RNF38: variants seen among roughly 807,000 people sequenced by gnomAD.
The protein encoded by RNF38 is ring finger protein 38, also known as E3 ubiquitin-protein ligase RNF38.
In RNF38, 15 loss-of-function variants were observed where a neutral mutation model predicts 67.2. That is an observed-to-expected ratio of 0.22 (90% confidence interval 0.15 to 0.34). RNF38 has a LOEUF of 0.34. Ranked by LOEUF, RNF38 falls within the 10% of genes least tolerant of loss-of-function variation. The pLI, the probability that RNF38 is intolerant of heterozygous loss-of-function variation, is 1.00. For missense variants in RNF38, 524 were observed against 639.9 expected (o/e 0.82, Z 1.95); for synonymous variants, 220 against 218.8 (o/e 1.01, Z -0.05).
At chr9:36,441,210 T>C (rs1253739760) in intron 1 of RNF38, among the ~76,000 whole-genome samples, 1 of 152,302 alleles carries the variant, frequency 6.6e-6, no homozygotes, top group Admixed American at 6.5e-5. Context: ...AGACACTTAT[T>C]GTGACCTTAG....
At chr9:36,475,995 C>T (rs1049365858) in intron 1 of RNF38, among the ~76,000 whole-genome samples, 4 of 122,134 alleles carry the variant, frequency 3.3e-5, no homozygotes, top group African/African-American at 6.2e-5. Context: ...GGTGACAGAG[C>T]GGGACTCTGT....
At chr9:36,377,189 T>A (rs1835854190) in intron 2 of RNF38, among the ~76,000 whole-genome samples, 1 of 152,142 alleles carries the variant, frequency 6.6e-6, no homozygotes, top group South Asian at 2.1e-4. Context: ...AGTTACAAAT[T>A]GACTGAAAAT....
At chr9:36,440,859 A>T (rs1839175614) in intron 1 of RNF38, among the ~76,000 whole-genome samples, 1 of 152,136 alleles carries the variant, frequency 6.6e-6, no homozygotes, top group African/African-American at 2.4e-5. Flanking sequence ...ACATAATCTC[A>T]GATACTTTGG....
intron 1 of RNF38, chr9:36,487,258 C>CG (rs1840439878): frequency 1.0e-6 from 1 of 977,820 alleles, no homozygotes; most frequent in East Asian, 1.1e-4. Flanking sequence ...CCCCCACCCG[C>CG]GGGACCGACC....
intron 1 of RNF38, among the ~76,000 whole-genome samples, chr9:36,476,036 A>G (rs1400580560): frequency 6.6e-6 from 1 of 151,604 alleles, no homozygotes; most frequent in East Asian, 1.9e-4. Context: ...AGAAAGAAAT[A>G]TAAATTATAA....
At chr9:36,468,143 G>A (rs1382051014) in intron 1 of RNF38, among the ~76,000 whole-genome samples, 1 of 151,840 alleles carries the variant, frequency 6.6e-6, no homozygotes, top group Non-Finnish European at 1.5e-5. Context: ...TCAAGAGGCT[G>A]AGGTGGGAAG....
At chr9:36,401,990 T>C (rs1397319244), upstream of RNF38, among the ~76,000 whole-genome samples, 1 of 152,182 alleles carries the variant, frequency 6.6e-6, no homozygotes, top group Non-Finnish European at 1.5e-5. Flanking sequence ...TTCTGGACCT[T>C]GGACATTCTC....
chr9:36,464,508 T>C (rs1380116854), intron 1 of RNF38, among the ~76,000 whole-genome samples: 1 of 151,552 alleles, frequency 6.6e-6, no homozygotes, highest in East Asian at 1.9e-4. Context: ...GAGGCGGAGG[T>C]TGTGGTAAGC....
intron 2 of RNF38, among the ~76,000 whole-genome samples, chr9:36,384,743 T>G (rs1432493678): frequency 6.6e-6 from 1 of 152,268 alleles, no homozygotes; most frequent in Non-Finnish European, 1.5e-5. Flanking sequence ...TATTACTTGC[T>G]ATTTATGTTT....
chr9:36,411,539 A>C (rs1838325171), intron 2 of RNF38, among the ~76,000 whole-genome samples: 1 of 152,178 alleles, frequency 6.6e-6, no homozygotes, highest in Admixed American at 6.6e-5. Flanking sequence ...ATGATGAATA[A>C]ACAAAATGTG....
chr9:36,396,731 T>G (rs1049085176), intron 1 of RNF38, among the ~76,000 whole-genome samples: 2 of 151,924 alleles, frequency 1.3e-5, no homozygotes, highest in African/African-American at 4.8e-5. Flanking sequence ...CAAAAAAATC[T>G]AATTGAATGG....
intron 2 of RNF38, among the ~76,000 whole-genome samples, chr9:36,409,892 C>G (rs141955697): frequency 1.3e-5 from 2 of 152,298 alleles, no homozygotes; most frequent in African/African-American, 2.4e-5. Flanking sequence ...AAGTAAATCT[C>G]TTAAGGCAGT....
At chr9:36,372,759 A>G (rs751838720) in intron 3 of RNF38, among the ~76,000 whole-genome samples, 2 of 152,218 alleles carry the variant, frequency 1.3e-5, no homozygotes, top group Non-Finnish European at 2.9e-5. Context: ...AATTACTATT[A>G]TCATCATCTG....
intron 1 of RNF38, among the ~76,000 whole-genome samples, chr9:36,473,692 A>C (rs1357119311): frequency 6.6e-6 from 1 of 152,002 alleles, no homozygotes; most frequent in Non-Finnish European, 1.5e-5. Context: ...AATGATTTAA[A>C]AACTCAATTT....
intron 1 of RNF38, among the ~76,000 whole-genome samples, chr9:36,466,569 A>G (rs1218266709): frequency 2.0e-5 from 3 of 152,168 alleles, no homozygotes; most frequent in Non-Finnish European, 4.4e-5. Context: ...GAATGTTTCT[A>G]TACGTATTTC....
At chr9:36,458,325 G>A (rs914180928) in intron 1 of RNF38, among the ~76,000 whole-genome samples, 7 of 152,208 alleles carry the variant, frequency 4.6e-5, no homozygotes, top group African/African-American at 1.7e-4. Flanking sequence ...AGCAGGATGT[G>A]GGCAGGGCCA....
intron 1 of RNF38, among the ~76,000 whole-genome samples, chr9:36,460,842 G>A (rs1450823436): frequency 7.3e-5 from 10 of 136,958 alleles, no homozygotes; most frequent in Admixed American, 6.5e-4. Flanking sequence ...AGCCGAGATT[G>A]CACCATTGCA....
chr9:36,450,211 C>T (rs1839404321), intron 1 of RNF38, among the ~76,000 whole-genome samples: 5 of 151,956 alleles, frequency 3.3e-5, no homozygotes. Flanking sequence ...TTTTTGTTGC[C>T]CCCAACAAAA....
At chr9:36,402,421 C>G (rs550232772), upstream of RNF38, among the ~76,000 whole-genome samples, 76 of 151,936 alleles carry the variant, frequency 5.0e-4, no homozygotes, top group Non-Finnish European at 8.8e-4. Context: ...TTTCTATCCT[C>G]TGTATCCCTC....
Sources: allele counts gnomAD v4.1 joint callset (sites outside exome capture counted in the v4.1 genomes callset), GRCh38; gene constraint gnomAD v4.1.1; transcripts MANE v1.5; gene names NCBI Gene and HGNC (gene_info 2026-07-23, HGNC 2026-07-21).